Variants in CGNL1 observed in about 807,000 individuals in gnomAD.
The protein encoded by CGNL1 is cingulin-like protein 1.
Under a neutral mutation model 141.2 loss-of-function variants are expected in CGNL1, and 132 were observed. The observed-to-expected ratio is 0.93, with a 90% CI of 0.81 to 1.08. The LOEUF is 1.08. Among genes scored for constraint, CGNL1 ranks in the 50% least tolerant of loss-of-function variants. The pLI is 0.00. For missense variants in CGNL1, 1,870 were observed against 1,588.6 expected, an observed-to-expected ratio of 1.18 and a Z score of -3.01; for synonymous variants, 690 against 622.1, an observed-to-expected ratio of 1.11 and a Z score of -1.63.
intron 1 of CGNL1, among the ~76,000 whole-genome samples, chr15:57,409,833 T>G (rs1265368731): frequency 6.6e-6 from 1 of 152,066 alleles, no homozygotes; most frequent in Non-Finnish European, 1.5e-5. Flanking sequence ...CAGAAAAAAA[T>G]AGAGAAATAA....
chr15:57,449,358 G>C (rs1247034502), intron 4 of CGNL1, among the ~76,000 whole-genome samples: 1 of 152,116 alleles, frequency 6.6e-6, no homozygotes, highest in African/African-American at 2.4e-5. Flanking sequence ...TCTTTCATCA[G>C]TGAGTTGCCA....
intron 1 of CGNL1, among the ~76,000 whole-genome samples, chr15:57,402,217 G>C (rs538711109): frequency 6.6e-6 from 1 of 152,170 alleles, no homozygotes; most frequent in Non-Finnish European, 1.5e-5. Context: ...GTGAGTTCTT[G>C]TTCTATTTCA....
intron 14 of CGNL1, among the ~76,000 whole-genome samples, chr15:57,539,032 G>C (rs1306683791): frequency 6.6e-6 from 1 of 152,076 alleles, no homozygotes; most frequent in African/African-American, 2.4e-5. Context: ...GAGAGTTCCC[G>C]CCCAGCGCCC....
intron 8 of CGNL1, chr15:57,477,536 C>G (rs1281571140): frequency 6.6e-6 from 1 of 152,208 alleles, no homozygotes; most frequent in Non-Finnish European, 1.5e-5. Context: ...AAACTTGAGT[C>G]CAGCATATGC....
chr15:57,393,326 T>C (rs1449490443), intron 1 of CGNL1, among the ~76,000 whole-genome samples: 1 of 152,198 alleles, frequency 6.6e-6, no homozygotes, highest in Non-Finnish European at 1.5e-5. Context: ...TCATTTCCTT[T>C]GGAACAAAAT....
At chr15:57,394,101 G>GGTTTTTTTT (rs2062574056) in intron 1 of CGNL1, 1 of 33,470 alleles carries the variant, frequency 3.0e-5, no homozygotes, top group Non-Finnish European at 6.4e-5. Flanking sequence ...GGTAATTTCT[G>GGTTTTTTTT]TTTGTTTTTT....
intron 1 of CGNL1, among the ~76,000 whole-genome samples, chr15:57,389,309 AC>A (rs1433273526): frequency 6.6e-6 from 1 of 152,172 alleles, no homozygotes; most frequent in East Asian, 1.9e-4. Flanking sequence ...CAAAAAACAA[AC>A]CAAAAAAACC....
chr15:57,387,016 A>G (rs754343), intron 1 of CGNL1, among the ~76,000 whole-genome samples: 46,394 of 151,908 alleles, frequency 0.31, 7,497 homozygotes, highest in East Asian at 0.59. Context: ...AACCATCACC[A>G]CTATCTAATT....
intron 7 of CGNL1, among the ~76,000 whole-genome samples, chr15:57,455,002 A>G (rs1264299700): frequency 1.3e-5 from 2 of 152,176 alleles, no homozygotes; most frequent in Non-Finnish European, 2.9e-5. Flanking sequence ...GATAGCTTTC[A>G]TCTACCCATG....
At chr15:57,422,591 G>A (rs1464605002) in intron 1 of CGNL1, among the ~76,000 whole-genome samples, 1 of 152,154 alleles carries the variant, frequency 6.6e-6, no homozygotes, top group Non-Finnish European at 1.5e-5. Context: ...AGCATAGTTC[G>A]GAGCAGGTTA....
At chr15:57,536,252 G>A (rs1228916288) in intron 14 of CGNL1, among the ~76,000 whole-genome samples, 1 of 152,134 alleles carries the variant, frequency 6.6e-6, no homozygotes, top group African/African-American at 2.4e-5. Context: ...CCTCCCACTG[G>A]GTCCCTCCCA....
chr15:57,464,669 C>CA, intron 8 of CGNL1, among the ~76,000 whole-genome samples: 1 of 140,840 alleles, frequency 7.1e-6, no homozygotes, highest in African/African-American at 2.7e-5. Flanking sequence ...TCTGCGGTTT[C>CA]TTTTCCTTTC....
chr15:57,468,583 T>A (rs1319490947), intron 8 of CGNL1, among the ~76,000 whole-genome samples: 1 of 151,654 alleles, frequency 6.6e-6, no homozygotes, highest in Non-Finnish European at 1.5e-5. Flanking sequence ...TGTGTGTGTG[T>A]GTGTGTGTTA....
intron 1 of CGNL1, among the ~76,000 whole-genome samples, chr15:57,411,892 A>T (rs964708818): frequency 6.6e-6 from 1 of 151,996 alleles, no homozygotes; most frequent in Non-Finnish European, 1.5e-5. Context: ...CCCCTTTCCT[A>T]GTCCTGGAAG....
At chr15:57,515,694 T>G (rs1808106888) in intron 8 of CGNL1, among the ~76,000 whole-genome samples, 1 of 152,180 alleles carries the variant, frequency 6.6e-6, no homozygotes, top group South Asian at 2.1e-4. Context: ...ACCTCTGGAA[T>G]CAACAATAAC....
intron 1 of CGNL1, among the ~76,000 whole-genome samples, chr15:57,404,802 A>G (rs1477896409): frequency 2.0e-5 from 3 of 152,128 alleles, no homozygotes; most frequent in African/African-American, 7.2e-5. Context: ...ATTCCTATTA[A>G]TCATGTCAAG....
chr15:57,397,679 G>A (rs1023248002), intron 1 of CGNL1, among the ~76,000 whole-genome samples: 2 of 151,934 alleles, frequency 1.3e-5, no homozygotes, highest in African/African-American at 2.4e-5. Flanking sequence ...TGTTATCCCC[G>A]TGTCCTTTGA....
At chr15:57,529,559 AACACACACACACACACAC>A (rs10593466) in intron 13 of CGNL1, among the ~76,000 whole-genome samples, 110 of 138,006 alleles carry the variant, frequency 8.0e-4, no homozygotes, top group Middle Eastern at 7.1e-3. Context: ...AACCCCCAGA[AACACACACACACACACAC>A]ACACACACAC....
intron 14 of CGNL1, among the ~76,000 whole-genome samples, chr15:57,539,369 T>A (rs954046761): frequency 6.6e-6 from 1 of 152,138 alleles, no homozygotes; most frequent in Non-Finnish European, 1.5e-5. Flanking sequence ...CAGGGCTGGA[T>A]CCTGTCCCTC....
Sources: gnomAD v4.1 joint callset for allele counts (sites outside exome capture counted in the v4.1 genomes callset) on GRCh38, gnomAD v4.1.1 for gene constraint, MANE v1.5 for transcripts, NCBI Gene and HGNC (gene_info 2026-07-23, HGNC 2026-07-21) for gene names.